Variants in MLLT3 observed in about 807,000 individuals in gnomAD.
The protein encoded by MLLT3 is protein AF-9.
MLLT3 carries 4 observed loss-of-function variants against 53.2 expected under a neutral mutation model. That is an observed-to-expected ratio of 0.08 (90% CI 0.04 to 0.17). The LOEUF (loss-of-function observed/expected upper bound fraction) is 0.17, where lower values mean the gene tolerates loss of function less well. MLLT3 is among the 10% of genes least tolerant of loss of function. The pLI, the probability that MLLT3 is intolerant of heterozygous loss-of-function variation, is 1.00. For missense variants in MLLT3, 569 were observed against 684.0 expected, an observed-to-expected ratio of 0.83 and a Z score of 1.87; for synonymous variants, 283 against 230.6, an observed-to-expected ratio of 1.23 and a Z score of -2.06.
rs1327917274 is a variant in MLLT3 at position 20,344,942 on chromosome 9, T to A, written c.*1501A>T. On this transcript the variant is annotated 3_prime_UTR_variant, in exon 11 of 11. Transcript: ENST00000380338. ...AGTGACGAACCTTTGGATCCAGAAG[T>A]ATTTCTTCATTTCTCTTCTTTTCGG... 4.6e-6 allele frequency: 1 copy of A among 215,434 alleles called. No individual in the cohort carries two copies. The highest frequency in any genetic ancestry group is 9.4e-6 in the Non-Finnish European group (1 of 106,914). 13.3% of individuals were successfully genotyped at this position (215,434 alleles called of 1,614,324 possible).
Position 20,481,308 on chromosome 9 carries a change from T to C in MLLT3, c.194-24522A>G, listed in dbSNP as rs147519946. On this transcript the variant is annotated intron_variant, in intron 2 of 10. Coordinates refer to ENST00000380338, the MANE Select transcript of MLLT3 (RefSeq NM_004529.4). ...AGATTTTGGCCAAATCCTGATTTAA[T>C]TTCCCGATCGCTGTCACAGGAGCAA... 1.3e-3 allele frequency among the ~76,000 whole-genome samples: 195 copies of C among 152,302 alleles called. 1 individual carries two copies. Among genetic ancestry groups the C allele is most frequent in the African/African-American group, 4.5e-3 (185 of 41,562 alleles).
At chr9:20,585,720 G>A (rs1013256773) in intron 2 of MLLT3, among the ~76,000 whole-genome samples, 4 of 152,112 alleles carry the variant, frequency 2.6e-5, no homozygotes, top group East Asian at 1.9e-4. Context: ...GCAAGGTGTC[G>A]CAAAATACTC....
intron 2 of MLLT3, among the ~76,000 whole-genome samples, chr9:20,485,035 C>G (rs1476257130): frequency 6.6e-6 from 1 of 151,508 alleles, no homozygotes; most frequent in East Asian, 1.9e-4. Context: ...GTTGCCCAGA[C>G]TGGAGTGCAG....
intron 2 of MLLT3, among the ~76,000 whole-genome samples, chr9:20,532,048 G>T (rs1053694149): frequency 1.3e-5 from 2 of 152,016 alleles, no homozygotes; most frequent in Admixed American, 6.6e-5. Flanking sequence ...AAATTAAAAC[G>T]ATTGCAAGTT....
intron 8 of MLLT3, among the ~76,000 whole-genome samples, chr9:20,357,021 C>G (rs1196166038): frequency 6.6e-6 from 1 of 152,164 alleles, no homozygotes; most frequent in Non-Finnish European, 1.5e-5. Context: ...GAGCTGAGCC[C>G]TGCTGAAGAC....
chr9:20,462,370 T>C lies in MLLT3; in HGVS notation c.194-5584A>G, dbSNP rs558542206. On this transcript the variant is annotated intron_variant, in intron 2 of 10. Coordinates refer to ENST00000380338, the MANE Select transcript of MLLT3 (RefSeq NM_004529.4). ...ACATCAACAAATACATTGAGTTGTA[T>C]GTTGAGTTGTTCTCACCTTTTGGAT... 3.3e-5 allele frequency among the ~76,000 whole-genome samples: 5 copies of C among 152,360 alleles called. No individual in the cohort carries two copies. The East Asian group carries it at 5.8e-4, about 18-fold the overall frequency.
chr9:20,590,725 T>C (rs1297358711), intron 2 of MLLT3, among the ~76,000 whole-genome samples: 5 of 152,140 alleles, frequency 3.3e-5, no homozygotes, highest in Non-Finnish European at 7.4e-5. Context: ...AATGAACTAA[T>C]ACAATTGCCG....
intron 2 of MLLT3, among the ~76,000 whole-genome samples, chr9:20,495,776 A>G (rs1349958409): frequency 6.6e-6 from 1 of 152,196 alleles, no homozygotes; most frequent in Non-Finnish European, 1.5e-5. Flanking sequence ...TGTTTTAAAG[A>G]ACCTTAATGT....
intron 2 of MLLT3, among the ~76,000 whole-genome samples, chr9:20,487,958 T>C (rs1824855463): frequency 1.3e-5 from 2 of 152,278 alleles, no homozygotes; most frequent in Non-Finnish European, 2.9e-5. Context: ...AGACAAGTTA[T>C]ATTCATATAT....
chr9:20,569,807 A>G (rs1217862173), intron 2 of MLLT3, among the ~76,000 whole-genome samples: 5 of 152,146 alleles, frequency 3.3e-5, no homozygotes, highest in Non-Finnish European at 7.4e-5. Context: ...TAACATACCT[A>G]TGTATACGTA....
chr9:20,404,530 G>A (rs1016391743), intron 5 of MLLT3, among the ~76,000 whole-genome samples: 5 of 151,994 alleles, frequency 3.3e-5, no homozygotes, highest in African/African-American at 9.7e-5. Flanking sequence ...ATTTTGAAAC[G>A]GTCTCACTAC....
intron 2 of MLLT3, among the ~76,000 whole-genome samples, chr9:20,589,989 C>T (rs555996855): frequency 2.6e-5 from 4 of 152,000 alleles, no homozygotes; most frequent in African/African-American, 4.8e-5. Context: ...GATTACAGCC[C>T]GACCTAACTG....
chr9:20,468,996 A>G (rs983021226), intron 2 of MLLT3, among the ~76,000 whole-genome samples: 4 of 152,238 alleles, frequency 2.6e-5, no homozygotes, highest in African/African-American at 9.6e-5. Flanking sequence ...GAGAACAACT[A>G]TATTTTTTAT....
At chr9:20,582,746 T>C (rs1303180067) in intron 2 of MLLT3, among the ~76,000 whole-genome samples, 4 of 152,160 alleles carry the variant, frequency 2.6e-5, no homozygotes, top group South Asian at 2.1e-4. Flanking sequence ...CCATCAGATC[T>C]TGTGAGACAT....
Position 20,431,363 on chromosome 9 carries a change from A to C in MLLT3, c.420+16760T>G, listed in dbSNP as rs186464420. ...CTCATGTTTCTTAATTCTCCAGGTA[A>C]TTCTCATGTACCCTAGAGTTTGGGA... On this transcript the variant is annotated intron_variant, in intron 4 of 10. Coordinates refer to ENST00000380338, the MANE Select transcript of MLLT3 (RefSeq NM_004529.4). 1.5e-3 allele frequency among the ~76,000 whole-genome samples: 225 copies of C among 152,226 alleles called. 2 individuals carry two copies. The highest frequency in any genetic ancestry group is 4.9e-3 in the African/African-American group (204 of 41,546).
At chr9:20,387,304 AG>A (rs1422532273) in intron 5 of MLLT3, among the ~76,000 whole-genome samples, 3 of 152,222 alleles carry the variant, frequency 2.0e-5, no homozygotes, top group African/African-American at 4.8e-5. Flanking sequence ...TTTGGTTCAC[AG>A]GCTGTTTTTG....
chr9:20,554,325 T>C (rs1441764148), intron 2 of MLLT3, among the ~76,000 whole-genome samples: 1 of 152,178 alleles, frequency 6.6e-6, no homozygotes, highest in Non-Finnish European at 1.5e-5. Context: ...AAATTCATAG[T>C]CTGGCAGAAT....
chr9:20,568,845 A>G (rs1322576121), intron 2 of MLLT3, among the ~76,000 whole-genome samples: 1 of 152,198 alleles, frequency 6.6e-6, no homozygotes, highest in African/African-American at 2.4e-5. Flanking sequence ...GGAAGTTATT[A>G]CCTTCATTTC....
chr9:20,585,417 G>A (rs1405182664), intron 2 of MLLT3, among the ~76,000 whole-genome samples: 2 of 152,104 alleles, frequency 1.3e-5, no homozygotes, highest in African/African-American at 2.4e-5. Flanking sequence ...GGGTTTCAAC[G>A]TATGAATTTG....
Sources: gnomAD v4.1 joint callset for allele counts (sites outside exome capture counted in the v4.1 genomes callset) on GRCh38, gnomAD v4.1.1 for gene constraint, MANE v1.5 for transcripts, NCBI Gene and HGNC (gene_info 2026-07-23, HGNC 2026-07-21) for gene names.